PCDHA13: variants seen among roughly 807,000 people sequenced by gnomAD.
The protein encoded by PCDHA13 is protocadherin alpha 13.
PCDHA13 carries 54 observed loss-of-function variants against 64.8 expected under a neutral mutation model. That is an observed-to-expected ratio of 0.83 (90% confidence interval 0.67 to 1.04). PCDHA13 has a LOEUF of 1.04. Among genes scored for constraint, PCDHA13 ranks in the 50% least tolerant of loss-of-function variants. The pLI is 0.00. For missense variants in PCDHA13, 1,248 were observed against 1,254.3 expected (o/e 0.99, Z 0.08); for synonymous variants, 587 against 564.4 (o/e 1.04, Z -0.57).
At chr5:140,958,746 G>A (rs946339571) in intron 1 of PCDHA13, among the ~76,000 whole-genome samples, 3 of 152,184 alleles carry the variant, frequency 2.0e-5, no homozygotes, top group African/African-American at 7.2e-5. Context: ...AGAGAGAAAG[G>A]AGATTTTTAC....
chr5:140,982,741 T>C (rs2097000256), intron 3 of PCDHA13, among the ~76,000 whole-genome samples, 178 bp downstream of exon 3: 1 of 152,164 alleles, frequency 6.6e-6, no homozygotes, highest in Admixed American at 6.6e-5. Flanking sequence ...TACCTAATGC[T>C]CTTCAGGAGT....
At chr5:140,942,527 AACTC>A (rs1420689882) in intron 1 of PCDHA13, among the ~76,000 whole-genome samples, 2 of 152,162 alleles carry the variant, frequency 1.3e-5, no homozygotes, top group Non-Finnish European at 2.9e-5. Flanking sequence ...GGAAGCAACT[AACTC>A]AGTATGGTGG....
intron 1 of PCDHA13, among the ~76,000 whole-genome samples, chr5:140,913,386 T>C (rs1317540233): frequency 6.6e-6 from 1 of 152,228 alleles, no homozygotes; most frequent in Non-Finnish European, 1.5e-5. Context: ...TGGCTCATCA[T>C]AGCCACTAAT....
chr5:140,962,245 T>C (rs2095666561), intron 1 of PCDHA13, among the ~76,000 whole-genome samples: 1 of 152,170 alleles, frequency 6.6e-6, no homozygotes, highest in Non-Finnish European at 1.5e-5. Context: ...ACCATTTTCT[T>C]CAATGAAAAA....
chr5:140,971,702 T>G (rs1411821487), intron 1 of PCDHA13, among the ~76,000 whole-genome samples: 6 of 152,138 alleles, frequency 3.9e-5, no homozygotes, highest in African/African-American at 1.4e-4. Flanking sequence ...CTAACCACCC[T>G]GCTATATAGA....
intron 1 of PCDHA13, among the ~76,000 whole-genome samples, chr5:140,933,701 A>G (rs1204346571): frequency 6.6e-6 from 1 of 151,814 alleles, no homozygotes; most frequent in East Asian, 1.9e-4. Flanking sequence ...CCTCGGACAC[A>G]TTTACTGAGA....
chr5:140,890,772 C>T (rs2062796545), intron 1 of PCDHA13, among the ~76,000 whole-genome samples: 1 of 152,118 alleles, frequency 6.6e-6, no homozygotes, highest in South Asian at 2.1e-4. Context: ...TATTTTAAAA[C>T]CCCATAAGAT....
chr5:140,933,646 A>G (rs1459396156), intron 1 of PCDHA13, among the ~76,000 whole-genome samples: 16 of 152,120 alleles, frequency 1.1e-4, no homozygotes, highest in African/African-American at 3.9e-4. Flanking sequence ...AACAAGTTGG[A>G]AATCCTGTCT....
In PCDHA13 at chr5:140,982,550, C is replaced by T. The variant is rs1554244485; in HGVS notation, c.2529C>T (p.Ser843=). ...CTGATCAGCAGTGGCCAACAGTATC[C>T]AGTGCAACACCAGGTAAAGAGCTGG... The part of the protein sequence containing the change: ...GGPDQQWPTV[S]SATPEPEAGE... The change falls in exon 3 of 4, where the codon TCC becomes TCT. Residue 843 remains serine, a synonymous_variant. Transcript: ENST00000289272. The T allele has an allele frequency of 6.2e-7, 1 of 1,614,176 alleles. No homozygotes were observed. The highest frequency in any genetic ancestry group is 1.7e-5 in the Admixed American group (1 of 60,028).
At chr5:140,904,064 G>C (rs1238949756) in intron 1 of PCDHA13, among the ~76,000 whole-genome samples, 2 of 151,906 alleles carry the variant, frequency 1.3e-5, no homozygotes, top group Non-Finnish European at 2.9e-5. Context: ...TGGGTTTTTG[G>C]GGAACAGTAT....
chr5:140,992,393 A>G (rs2097508684), intron 3 of PCDHA13, among the ~76,000 whole-genome samples: 1 of 152,180 alleles, frequency 6.6e-6, no homozygotes, highest in African/African-American at 2.4e-5. Context: ...TTCTGGACTT[A>G]GAGATATTGT....
intron 1 of PCDHA13, among the ~76,000 whole-genome samples, chr5:140,892,414 C>G (rs2063506203): frequency 6.6e-6 from 1 of 152,124 alleles, no homozygotes; most frequent in Non-Finnish European, 1.5e-5. Context: ...TTCAGGTATT[C>G]TAGATAAAAC....
rs955565578 is a variant in PCDHA13, at chr5:141,012,291, T to C, written c.*2354T>C. 6 of 153,804 alleles carry C rather than the reference T, an allele frequency of 3.9e-5. No homozygotes were observed. The highest frequency in any genetic ancestry group is 9.6e-5 in the African/African-American group (4 of 41,478). The allele number at this position is 153,804 out of a possible 1,614,324, so 9.5% of individuals were successfully genotyped here. A position where few individuals can be genotyped will look rare whatever the true frequency, so the allele number is the denominator to read the frequency against. On this transcript the variant is annotated 3_prime_UTR_variant, in exon 4 of 4. Coordinates refer to ENST00000289272, the MANE Select transcript of PCDHA13 (RefSeq NM_018904.3). ...ACACGTCATGTGGATTCATTTTGAA[T>C]TGGTGCTATTGGTATTTCCTCTGTT...
intron 1 of PCDHA13, among the ~76,000 whole-genome samples, chr5:140,917,334 G>A (rs1466426021): frequency 1.4e-5 from 2 of 147,744 alleles, no homozygotes; most frequent in Admixed American, 1.4e-4. Flanking sequence ...CGGGGGAGGG[G>A]GGGGATGGTG....
At chr5:140,953,546 T>G (rs2094902084) in intron 1 of PCDHA13, among the ~76,000 whole-genome samples, 1 of 152,136 alleles carries the variant, frequency 6.6e-6, no homozygotes, top group African/African-American at 2.4e-5. Context: ...ATGCTGATTC[T>G]TTTCTCCAAG....
chr5:140,980,395 G>T (rs182782153), intron 2 of PCDHA13, among the ~76,000 whole-genome samples: 4 of 152,316 alleles, frequency 2.6e-5, no homozygotes, highest in Non-Finnish European at 5.9e-5. Context: ...ACTTTGGGAG[G>T]CCGAGGTGGG....
chr5:140,937,089 G>A (rs2091320544), intron 1 of PCDHA13, among the ~76,000 whole-genome samples: 1 of 149,070 alleles, frequency 6.7e-6, no homozygotes, highest in African/African-American at 2.5e-5. Context: ...CCAGGCTGGA[G>A]TGCAGTGGCG....
intron 1 of PCDHA13, chr5:140,926,866 G>C: frequency 6.6e-7 from 1 of 1,524,204 alleles, no homozygotes; most frequent in Non-Finnish European, 8.8e-7. Flanking sequence ...GTAGCGTGTT[G>C]GTGGAACGTG....
chr5:140,917,449 C>T (rs1290889939), intron 1 of PCDHA13, among the ~76,000 whole-genome samples: 2 of 152,006 alleles, frequency 1.3e-5, no homozygotes, highest in Admixed American at 6.6e-5. Context: ...GCTGCAAGAG[C>T]GTTTGGCATC....
Sources: gnomAD v4.1 joint callset for allele counts (sites outside exome capture counted in the v4.1 genomes callset) on GRCh38, gnomAD v4.1.1 for gene constraint, MANE v1.5 for transcripts, NCBI Gene and HGNC (gene_info 2026-07-23, HGNC 2026-07-21) for gene names.